Variants in CEP128 observed in about 807,000 individuals in gnomAD.
CEP128 encodes the protein centrosomal protein 128kDa.
Under a neutral mutation model 156.7 loss-of-function variants are expected in CEP128, and 132 were observed. The ratio of observed to expected loss-of-function variants is 0.84; its 90% CI spans 0.73 to 0.97. The LOEUF is 0.97. CEP128 is among the 50% of genes least tolerant of loss of function. The pLI, the probability that CEP128 is intolerant of heterozygous loss-of-function variation, is 0.00. For synonymous variants in CEP128, 469 were observed against 448.9 expected (o/e 1.04, Z -0.57); for missense variants, 1,252 against 1,281.9 (o/e 0.98, Z 0.36).
chr14:80,632,170 A>G (rs1893988229), intron 19 of CEP128, among the ~76,000 whole-genome samples: 1 of 152,074 alleles, frequency 6.6e-6, no homozygotes, highest in Non-Finnish European at 1.5e-5. Context: ...AAATACTATG[A>G]CAACTATCCT....
intron 19 of CEP128, among the ~76,000 whole-genome samples, chr14:80,622,165 GTGGCTAAAAATAGGTATA>G (rs1176915359): frequency 6.6e-6 from 1 of 152,118 alleles, no homozygotes; most frequent in Non-Finnish European, 1.5e-5. Context: ...CATTCTTTAT[GTGGCTAAAAATAGGTATA>G]TGTACTGGAG....
chr14:80,787,159 A>G (rs190524836), intron 14 of CEP128, among the ~76,000 whole-genome samples: 25 of 152,192 alleles, frequency 1.6e-4, no homozygotes, highest in African/African-American at 6.0e-4. Context: ...CAAGCAAGGT[A>G]TTCAGCTTAA....
intron 8 of CEP128, among the ~76,000 whole-genome samples, 182 bp from the exon 9 acceptor site, chr14:80,863,055 C>G (rs1319504353): frequency 6.6e-6 from 1 of 152,070 alleles, no homozygotes; most frequent in Non-Finnish European, 1.5e-5. Flanking sequence ...CTGAAAGTTA[C>G]AAAAGAAAGT....
intron 19 of CEP128, among the ~76,000 whole-genome samples, chr14:80,647,939 T>C (rs1244619398): frequency 6.6e-6 from 1 of 152,092 alleles, no homozygotes; most frequent in African/African-American, 2.4e-5. Context: ...GCAGAGTATA[T>C]GGAAAATTAT....
At chr14:80,561,774 T>C (rs909757796) in intron 20 of CEP128, among the ~76,000 whole-genome samples, 1 of 152,132 alleles carries the variant, frequency 6.6e-6, no homozygotes, top group African/African-American at 2.4e-5. Context: ...GATAGCATTA[T>C]AAGTTGTGTA....
chr14:80,860,030 T>C (rs1887437665), intron 9 of CEP128, among the ~76,000 whole-genome samples: 1 of 152,206 alleles, frequency 6.6e-6, no homozygotes, highest in African/African-American at 2.4e-5. Context: ...ACCTGCTCAA[T>C]TATGGATTTA....
intron 16 of CEP128, among the ~76,000 whole-genome samples, chr14:80,762,256 A>G (rs1438804091): frequency 7.1e-6 from 1 of 140,906 alleles, no homozygotes; most frequent in Admixed American, 7.1e-5. Context: ...AGGCAAAAAT[A>G]ATTCTAAATC....
In CEP128 at chr14:80,761,598, T is replaced by G. The variant is rs753612391; in HGVS notation, c.2392A>C (p.Ile798Leu). Residue 798 changes from isoleucine to leucine, a missense_variant, in exon 17 of 25, where the codon ATT becomes CTT. Transcript: ENST00000555265. The stretch of plus-strand genomic sequence containing the variant: ...ATCCTCCTTAAGTGCTCCTCTTCAA[T>G]GCTTATATGTTTTTCCTAAGGCATT... ...QLEEREKHIS[I>L]EEEHLRRMEE... is the part of the protein sequence containing the mutation. The G allele has an allele frequency of 3.8e-6, 6 of 1,594,274 alleles. No individual in the cohort carries two copies. In the Admixed American group the frequency reaches 6.9e-5, roughly 18 times the overall value.
At chr14:80,915,496 G>A (rs191977148) in intron 3 of CEP128, among the ~76,000 whole-genome samples, 1 of 152,280 alleles carries the variant, frequency 6.6e-6, no homozygotes, top group Non-Finnish European at 1.5e-5. Flanking sequence ...TTAATGCGTA[G>A]GAAATACCTT....
At chr14:80,946,622 G>A (rs1383614772), upstream of CEP128, among the ~76,000 whole-genome samples, 1 of 152,092 alleles carries the variant, frequency 6.6e-6, no homozygotes, top group Non-Finnish European at 1.5e-5. Context: ...GCATTGACAT[G>A]ACCATCCTAA....
At chr14:80,816,839 C>T (rs144104991) in intron 13 of CEP128, among the ~76,000 whole-genome samples, 22 of 152,148 alleles carry the variant, frequency 1.4e-4, no homozygotes, top group Admixed American at 3.3e-4. Context: ...AACAAAGAGA[C>T]GGCTAAGAGC....
chr14:80,761,973 C>T (rs990768131), intron 16 of CEP128, among the ~76,000 whole-genome samples: 1 of 152,078 alleles, frequency 6.6e-6, no homozygotes, highest in African/African-American at 2.4e-5. Flanking sequence ...CAAGCTTTCA[C>T]TGAACATTAG....
At chr14:80,630,194 C>T (rs181781429) in intron 19 of CEP128, among the ~76,000 whole-genome samples, 1 of 152,018 alleles carries the variant, frequency 6.6e-6, no homozygotes, top group East Asian at 1.9e-4. Flanking sequence ...GAAATATTCA[C>T]ATACTTTTAC....
At chr14:80,676,843 T>C (rs1363748089) in intron 19 of CEP128, among the ~76,000 whole-genome samples, 3 of 152,204 alleles carry the variant, frequency 2.0e-5, no homozygotes, top group Non-Finnish European at 2.9e-5. Flanking sequence ...TTTTCTGATA[T>C]TAAAATATAT....
chr14:80,805,324 T>C (rs927647422), intron 13 of CEP128, among the ~76,000 whole-genome samples: 7 of 152,152 alleles, frequency 4.6e-5, no homozygotes, highest in Admixed American at 1.3e-4. Flanking sequence ...TCATACTGTA[T>C]GCTACTAGTC....
chr14:80,741,383 T>C (rs923309881), intron 19 of CEP128, among the ~76,000 whole-genome samples: 1 of 152,138 alleles, frequency 6.6e-6, no homozygotes, highest in Non-Finnish European at 1.5e-5. Context: ...TGTTACCCCT[T>C]ATAACTGAAG....
intron 19 of CEP128, among the ~76,000 whole-genome samples, chr14:80,643,440 C>T (rs1157282908): frequency 3.3e-5 from 5 of 151,752 alleles, no homozygotes; most frequent in South Asian, 2.1e-4. Flanking sequence ...GGTGGCTGGC[C>T]GGGTGTGGTG....
intron 19 of CEP128, among the ~76,000 whole-genome samples, chr14:80,601,747 C>T (rs1303566268): frequency 6.6e-6 from 1 of 152,050 alleles, no homozygotes; most frequent in Admixed American, 6.6e-5. Flanking sequence ...GAAGATAATG[C>T]ATTGTGCTAT....
chr14:80,505,904 A>G (rs1339487858), intron 23 of CEP128, among the ~76,000 whole-genome samples: 2 of 152,220 alleles, frequency 1.3e-5, no homozygotes, highest in Non-Finnish European at 2.9e-5. Context: ...GCTAAGAGAA[A>G]GCAAGACATT....
Sources: allele counts gnomAD v4.1 joint callset (sites outside exome capture counted in the v4.1 genomes callset), GRCh38; gene constraint gnomAD v4.1.1; transcripts MANE v1.5; gene names NCBI Gene and HGNC (gene_info 2026-07-23, HGNC 2026-07-21).